Variants in IL1RAPL2 observed in about 807,000 individuals in gnomAD.
IL1RAPL2 encodes interleukin 1 receptor accessory protein like 2.
In IL1RAPL2, 3 loss-of-function variants were observed where a neutral mutation model predicts 44.1. The ratio of observed to expected loss-of-function variants is 0.07; its 90% confidence interval spans 0.03 to 0.18. The LOEUF is 0.18. IL1RAPL2 is among the 10% of genes least tolerant of loss of function. The pLI is 1.00. For missense variants in IL1RAPL2, 391 were observed against 496.4 expected (o/e 0.79, Z 2.02); for synonymous variants, 181 against 178.8 (o/e 1.01, Z -0.10).
chrX:105,557,022 A>G (rs1182847803), intron 6 of IL1RAPL2, among the ~76,000 whole-genome samples: 1 of 112,358 alleles, frequency 8.9e-6, no homozygotes, highest in African/African-American at 3.2e-5. Context: ...GCATAGGGCT[A>G]TAAATTTCCT....
At chrX:104,690,023 C>G (rs1315444672) in intron 2 of IL1RAPL2, among the ~76,000 whole-genome samples, 1 of 111,736 alleles carries the variant, frequency 8.9e-6, no homozygotes, top group African/African-American at 3.3e-5. Context: ...ATGCTTGGCT[C>G]CAACTCTGGA....
chrX:105,113,918 GT>G (rs1196973371), intron 2 of IL1RAPL2, among the ~76,000 whole-genome samples: 1 of 110,996 alleles, frequency 9.0e-6, no homozygotes, highest in Non-Finnish European at 1.9e-5. Context: ...GGGCTTTAGA[GT>G]TGCACAGCTC....
At chrX:104,713,614 T>C (rs977211043) in intron 2 of IL1RAPL2, among the ~76,000 whole-genome samples, 1 of 111,042 alleles carries the variant, frequency 9.0e-6, no homozygotes. Flanking sequence ...TATATATATA[T>C]GTAGAATTAT....
intron 2 of IL1RAPL2, among the ~76,000 whole-genome samples, chrX:104,808,177 A>G (rs1289301966): frequency 8.9e-6 from 1 of 112,241 alleles, no homozygotes; most frequent in African/African-American, 3.2e-5. Flanking sequence ...CATTCCTGAA[A>G]CTTTATTTTG....
intron 2 of IL1RAPL2, among the ~76,000 whole-genome samples, chrX:104,838,847 C>CTTTTTT (rs3086025): frequency 2.5e-4 from 9 of 36,293 alleles, no homozygotes; most frequent in Non-Finnish European, 4.4e-4. Context: ...TTCTTTCTTT[C>CTTTTTT]TTTTTTTTTT....
At chrX:104,648,323 G>A (rs1259406332) in intron 1 of IL1RAPL2, among the ~76,000 whole-genome samples, 2 of 111,991 alleles carry the variant, frequency 1.8e-5, no homozygotes, top group Non-Finnish European at 3.8e-5. Context: ...AATGCATACT[G>A]CATTGACCAT....
At chrX:105,359,636 A>G (rs1310452756) in intron 5 of IL1RAPL2, among the ~76,000 whole-genome samples, 1 of 110,739 alleles carries the variant, frequency 9.0e-6, no homozygotes, top group African/African-American at 3.3e-5. Flanking sequence ...AAAAATGGAA[A>G]ATTACACTTG....
intron 6 of IL1RAPL2, among the ~76,000 whole-genome samples, chrX:105,636,159 G>A (rs1319105050): frequency 1.8e-5 from 2 of 110,847 alleles, no homozygotes; most frequent in Non-Finnish European, 3.8e-5. Context: ...GGAGGAATAA[G>A]ATTCAGAGGA....
chrX:104,716,167 A>G (rs1363824684), intron 2 of IL1RAPL2, among the ~76,000 whole-genome samples: 1 of 111,577 alleles, frequency 9.0e-6, no homozygotes, highest in Non-Finnish European at 1.9e-5. Flanking sequence ...CTTAACACAA[A>G]CAAGCAATGG....
chrX:104,817,219 G>A (rs1192060686), intron 2 of IL1RAPL2, among the ~76,000 whole-genome samples: 1 of 112,697 alleles, frequency 8.9e-6, no homozygotes, highest in Non-Finnish European at 1.9e-5. Context: ...TCTCTGGAAT[G>A]GAAGGGTCTT....
At chrX:104,952,353 C>T (rs779373638) in intron 2 of IL1RAPL2, among the ~76,000 whole-genome samples, 1 of 111,564 alleles carries the variant, frequency 9.0e-6, no homozygotes, top group South Asian at 3.8e-4. Flanking sequence ...TTGCACGAGG[C>T]CAAAATAGCA....
chrX:104,958,227 A>G (rs1257603357), intron 2 of IL1RAPL2, among the ~76,000 whole-genome samples: 1 of 110,823 alleles, frequency 9.0e-6, no homozygotes, highest in Non-Finnish European at 1.9e-5. Flanking sequence ...TGCCCTTGGT[A>G]TCCATTTTAT....
At chrX:104,582,751 T>TC (rs780568108) in intron 1 of IL1RAPL2, among the ~76,000 whole-genome samples, 25 of 100,018 alleles carry the variant, frequency 2.5e-4, no homozygotes, top group Non-Finnish European at 4.4e-4. Flanking sequence ...CTTCCTTCCT[T>TC]CTTTCTTTCT....
intron 5 of IL1RAPL2, among the ~76,000 whole-genome samples, chrX:105,437,215 A>C (rs2035888332): frequency 9.1e-6 from 1 of 109,934 alleles, no homozygotes; most frequent in Admixed American, 9.8e-5. Context: ...GTTTCCTTAA[A>C]GTGAGGTATA....
intron 2 of IL1RAPL2, among the ~76,000 whole-genome samples, chrX:104,929,668 T>G (rs1214784839): frequency 8.9e-6 from 1 of 111,997 alleles, no homozygotes; most frequent in African/African-American, 3.2e-5. Flanking sequence ...AGCAATTCAT[T>G]CATCCATTTT....
At chrX:104,777,288 T>C (rs1932733556) in intron 2 of IL1RAPL2, among the ~76,000 whole-genome samples, 1 of 110,990 alleles carries the variant, frequency 9.0e-6, no homozygotes. Flanking sequence ...GTCATATAAG[T>C]GGGATCATAC....
intron 2 of IL1RAPL2, among the ~76,000 whole-genome samples, chrX:105,035,485 G>A (rs183606146): frequency 8.9e-6 from 1 of 111,920 alleles, no homozygotes; most frequent in Admixed American, 9.5e-5. Context: ...CAAAAAATTG[G>A]GGAAATACTG....
At chrX:105,304,938 G>A (rs965774691) in intron 5 of IL1RAPL2, among the ~76,000 whole-genome samples, 18 of 111,280 alleles carry the variant, frequency 1.6e-4, no homozygotes, top group African/African-American at 5.9e-4. Flanking sequence ...CTTCTGGGGA[G>A]GCCTCAGGAA....
chrX:104,722,722 A>G (rs1235937810), intron 2 of IL1RAPL2, among the ~76,000 whole-genome samples: 2 of 111,276 alleles, frequency 1.8e-5, no homozygotes, highest in Non-Finnish European at 3.8e-5. Context: ...TTCTCCATGC[A>G]TTGTTTTACA....
Sources: gnomAD v4.1 joint callset for allele counts (sites outside exome capture counted in the v4.1 genomes callset) on GRCh38, gnomAD v4.1.1 for gene constraint, MANE v1.5 for transcripts, NCBI Gene and HGNC (gene_info 2026-07-23, HGNC 2026-07-21) for gene names.